The following HNF4G variants were observed in gnomAD, a reference collection of about 807,000 sequenced individuals.
The protein encoded by HNF4G is hepatocyte nuclear factor 4 gamma.
In HNF4G, 21 loss-of-function variants were observed where a neutral mutation model predicts 50.9. That is an observed-to-expected ratio of 0.41 (90% CI 0.29 to 0.59). The LOEUF (loss-of-function observed/expected upper bound fraction) is 0.59. HNF4G is among the 20% of genes least tolerant of loss of function. HNF4G has a pLI of 0.26. For missense variants in HNF4G, 527 were observed against 559.4 expected, an observed-to-expected ratio of 0.94 and a Z score of 0.58; for synonymous variants, 198 against 185.6, an observed-to-expected ratio of 1.07 and a Z score of -0.54.
At chr8:75,472,926 G>A (rs2130636889) in intron 1 of HNF4G, among the ~76,000 whole-genome samples, 1 of 152,262 alleles carries the variant, frequency 6.6e-6, no homozygotes, top group South Asian at 2.1e-4. Context: ...AAAAGGGCAA[G>A]GGTTTAGAAA....
chr8:75,518,862 C>G (rs1428538888), intron 2 of HNF4G, among the ~76,000 whole-genome samples: 2 of 152,164 alleles, frequency 1.3e-5, no homozygotes, highest in Non-Finnish European at 2.9e-5. Flanking sequence ...CTCCTCATTA[C>G]TCATGCAAAT....
intron 1 of HNF4G, among the ~76,000 whole-genome samples, chr8:75,540,799 A>G (rs1806597111): frequency 1.3e-5 from 2 of 151,774 alleles, no homozygotes; most frequent in African/African-American, 4.8e-5. Flanking sequence ...AATATGTTAT[A>G]ACTGTTAGAA....
At chr8:75,515,328 G>A (rs1311739865) in intron 2 of HNF4G, among the ~76,000 whole-genome samples, 2 of 152,134 alleles carry the variant, frequency 1.3e-5, no homozygotes, top group Non-Finnish European at 2.9e-5. Context: ...TGATTTGAGA[G>A]TTTTCTTCTT....
chr8:75,460,958 T>C (rs1811824928), intron 1 of HNF4G, among the ~76,000 whole-genome samples: 1 of 152,226 alleles, frequency 6.6e-6, no homozygotes, highest in South Asian at 2.1e-4. Context: ...ATATCGACCC[T>C]TTAATGAGTT....
At chr8:75,545,599 T>A (rs1234769400) in intron 2 of HNF4G, among the ~76,000 whole-genome samples, 2 of 152,174 alleles carry the variant, frequency 1.3e-5, no homozygotes, top group Non-Finnish European at 2.9e-5. Flanking sequence ...TGGTCTCAAA[T>A]GTATCTATTT....
intron 1 of HNF4G, among the ~76,000 whole-genome samples, chr8:75,483,744 C>G (rs904155198): frequency 6.6e-6 from 1 of 152,074 alleles, no homozygotes; most frequent in African/African-American, 2.4e-5. Flanking sequence ...GTATATAATA[C>G]TTTAAAAACT....
At chr8:75,548,508 C>G (rs1181737525) in intron 3 of HNF4G, among the ~76,000 whole-genome samples, 1 of 151,756 alleles carries the variant, frequency 6.6e-6, no homozygotes, top group South Asian at 2.1e-4. Context: ...ATCGAGGGAC[C>G]GAGACAAGAG....
chr8:75,563,822 G>C (rs576386517), intron 9 of HNF4G, among the ~76,000 whole-genome samples, 153 bp from the exon 10 acceptor site: 1 of 152,112 alleles, frequency 6.6e-6, no homozygotes. Context: ...GTACGTCATG[G>C]GCCAATAATG....
At chr8:75,424,887 A>T (rs1221338255) in intron 1 of HNF4G, among the ~76,000 whole-genome samples, 6 of 151,996 alleles carry the variant, frequency 3.9e-5, no homozygotes, top group African/African-American at 1.4e-4. Context: ...AAAATCATTT[A>T]TTTTCCTTTG....
chr8:75,554,631 G>A (rs530453117), intron 5 of HNF4G, among the ~76,000 whole-genome samples: 1 of 152,128 alleles, frequency 6.6e-6, no homozygotes, highest in Non-Finnish European at 1.5e-5. Flanking sequence ...TTTATTAGGA[G>A]ATTACTGTTC....
intron 1 of HNF4G, among the ~76,000 whole-genome samples, chr8:75,420,471 G>C (rs556427225): frequency 3.3e-5 from 5 of 152,262 alleles, no homozygotes; most frequent in African/African-American, 1.2e-4. Flanking sequence ...TTTACCTCTT[G>C]CAACTCTCTT....
At chr8:75,420,360 T>C (rs1810748382) in intron 1 of HNF4G, among the ~76,000 whole-genome samples, 1 of 152,252 alleles carries the variant, frequency 6.6e-6, no homozygotes, top group South Asian at 2.1e-4. Context: ...ATCTTCCTGC[T>C]TAAAATCATC....
At position 75,503,065 on chromosome 8, in the gene HNF4G, C is replaced by T. The variant is rs139617676; in HGVS notation, c.-24+12857C>T. ...AATTGTGAGATATTATTAGGAAGGG[C>T]AGCAGGGGGTTCTGGAAGGAAAAAG... is the stretch of plus-strand genomic sequence containing the variant. On this transcript the variant is annotated intron_variant, in intron 2 of 10. Coordinates refer to the HNF4G transcript ENST00000354370. 4.1e-4 allele frequency among the ~76,000 whole-genome samples: 62 copies of T among 152,206 alleles called. 1 individual carries two copies. The highest frequency in any genetic ancestry group is 1.4e-3 in the African/African-American group (57 of 41,540).
At chr8:75,517,512 G>C (rs370751475) in intron 2 of HNF4G, among the ~76,000 whole-genome samples, 1 of 152,216 alleles carries the variant, frequency 6.6e-6, no homozygotes, top group Non-Finnish European at 1.5e-5. Context: ...GGAAAAATTG[G>C]CCAAAATAAA....
At chr8:75,407,998 T>A (rs1810403631), upstream of HNF4G, 1 of 151,974 alleles carries the variant, frequency 6.6e-6, no homozygotes, top group South Asian at 2.1e-4. Context: ...GGGCCCGGGC[T>A]GGCCGCAGCG....
At chr8:75,523,396 G>A (rs1806097047) in intron 2 of HNF4G, among the ~76,000 whole-genome samples, 1 of 151,874 alleles carries the variant, frequency 6.6e-6, no homozygotes, top group Non-Finnish European at 1.5e-5. Flanking sequence ...TCTCTAATTG[G>A]CATCTAGGTC....
In HNF4G at chr8:75,470,325, AC is replaced by A. The variant is rs2130630481; in HGVS notation, c.-143-19763del. Among the ~76,000 whole-genome samples the A allele has an allele frequency of 2.0e-5, 3 of 152,324 alleles. No homozygotes were observed. In the East Asian group the frequency reaches 5.8e-4, roughly 29 times the overall value. Reference sequence around the variant, plus strand: ...AAAGTGTAAAGAAGAAAATATAATCACTGTTCTTGGCTTAAGAGAATACAGT... The same window carrying A: ...AAAGTGTAAAGAAGAAAATATAATCATGTTCTTGGCTTAAGAGAATACAGT... On this transcript the variant is annotated intron_variant, in intron 1 of 10. Coordinates refer to the HNF4G transcript ENST00000354370.
chr8:75,476,589 A>G (rs1027680037), intron 1 of HNF4G, among the ~76,000 whole-genome samples: 1 of 152,236 alleles, frequency 6.6e-6, no homozygotes, highest in African/African-American at 2.4e-5. Flanking sequence ...AAGATAACGT[A>G]ATACAAACAT....
intron 2 of HNF4G, among the ~76,000 whole-genome samples, chr8:75,517,478 G>A (rs186026256): frequency 1.4e-4 from 22 of 152,262 alleles, no homozygotes; most frequent in Non-Finnish European, 3.2e-4. Context: ...TACAGGCATT[G>A]GGTAAATACA....
Sources: gnomAD v4.1 joint callset for allele counts (sites outside exome capture counted in the v4.1 genomes callset) on GRCh38, gnomAD v4.1.1 for gene constraint, MANE v1.5 for transcripts, NCBI Gene and HGNC (gene_info 2026-07-23, HGNC 2026-07-21) for gene names.